STAU2: variants seen among roughly 807,000 people sequenced by gnomAD.
The protein encoded by STAU2 is double-stranded RNA-binding protein Staufen homolog 2.
A neutral mutation model predicts 65.9 loss-of-function variants in STAU2; 20 were observed. The observed-to-expected ratio is 0.30, with a 90% CI of 0.21 to 0.44. The LOEUF (loss-of-function observed/expected upper bound fraction) is 0.44, where lower values mean the gene tolerates loss of function less well. Ranked by LOEUF, STAU2 falls within the 20% of genes least tolerant of loss-of-function variation. The probability of loss-of-function intolerance (pLI) is 1.00; values close to 1 mark genes in which losing one functional copy is unlikely to be tolerated. For synonymous variants in STAU2, 232 were observed against 233.9 expected (o/e 0.99, Z 0.07); for missense variants, 558 against 683.9 (o/e 0.82, Z 2.05).
At chr8:73,625,220 C>T (rs960871128) in intron 6 of STAU2, among the ~76,000 whole-genome samples, 43 of 152,184 alleles carry the variant, frequency 2.8e-4, no homozygotes, top group Admixed American at 7.2e-4. Context: ...TAAATATATA[C>T]CCAAGAGAAA....
chr8:73,696,503 G>A (rs946742115), intron 4 of STAU2, among the ~76,000 whole-genome samples: 4 of 152,178 alleles, frequency 2.6e-5, no homozygotes, highest in African/African-American at 9.6e-5. Flanking sequence ...CACAGAAAGG[G>A]AATTTGGAAT....
intron 3 of STAU2, among the ~76,000 whole-genome samples, chr8:73,712,492 A>G (rs1300938941): frequency 1.3e-5 from 2 of 152,228 alleles, no homozygotes; most frequent in African/African-American, 2.4e-5. Context: ...CACTGTTAAC[A>G]ATGATTAAAA....
chr8:73,600,349 C>CT (rs1811545357), intron 10 of STAU2, among the ~76,000 whole-genome samples: 1 of 152,002 alleles, frequency 6.6e-6, no homozygotes, highest in African/African-American at 2.4e-5. Context: ...ATTTCATTGC[C>CT]TTTTTTTCTG....
At chr8:73,662,139 C>G (rs1563490330) in intron 6 of STAU2, among the ~76,000 whole-genome samples, 2 of 152,104 alleles carry the variant, frequency 1.3e-5, no homozygotes, top group Non-Finnish European at 2.9e-5. Context: ...TTGCATTTCC[C>G]TGATGACTAA....
At chr8:73,528,137 T>G (rs1340443361) in intron 13 of STAU2, among the ~76,000 whole-genome samples, 2 of 152,148 alleles carry the variant, frequency 1.3e-5, no homozygotes, top group African/African-American at 4.8e-5. Context: ...TAAGTCAAAG[T>G]TCATCTGATT....
intron 13 of STAU2, among the ~76,000 whole-genome samples, chr8:73,473,542 T>C (rs533692584): frequency 6.6e-6 from 1 of 152,282 alleles, no homozygotes; most frequent in South Asian, 2.1e-4. Context: ...ACCTCAGATA[T>C]ATGGATATGC....
intron 5 of STAU2, among the ~76,000 whole-genome samples, chr8:73,680,348 T>C (rs750545656): frequency 2.6e-5 from 4 of 152,048 alleles, no homozygotes; most frequent in Non-Finnish European, 4.4e-5. Flanking sequence ...CTCCACTGGG[T>C]AGCTAGACCC....
chr8:73,635,905 G>GA (rs1459770521), intron 6 of STAU2, among the ~76,000 whole-genome samples: 2 of 111,432 alleles, frequency 1.8e-5, no homozygotes, highest in African/African-American at 8.0e-5. Flanking sequence ...TCTGACCCCT[G>GA]AACCACACAC....
intron 6 of STAU2, among the ~76,000 whole-genome samples, chr8:73,630,754 C>T (rs117789819): frequency 0.016 from 2,426 of 152,274 alleles, 27 homozygotes; most frequent in Non-Finnish European, 0.024. Flanking sequence ...ATGCAAGATA[C>T]ATGCTGTGTC....
intron 13 of STAU2, among the ~76,000 whole-genome samples, chr8:73,506,584 G>A (rs1822079255): frequency 6.6e-6 from 1 of 152,168 alleles, no homozygotes; most frequent in Non-Finnish European, 1.5e-5. Context: ...GTAATTGCTG[G>A]TGGAGGGTCT....
intron 13 of STAU2, among the ~76,000 whole-genome samples, chr8:73,510,097 C>T (rs534534643): frequency 6.6e-6 from 1 of 151,884 alleles, no homozygotes; most frequent in South Asian, 2.1e-4. Context: ...GACTGAGTTT[C>T]GCTCTTGTTG....
intron 6 of STAU2, among the ~76,000 whole-genome samples, chr8:73,629,476 C>G (rs1485917158): frequency 1.3e-5 from 2 of 152,168 alleles, no homozygotes; most frequent in East Asian, 3.8e-4. Context: ...TTCATAGTCT[C>G]ACAATCATTA....
chr8:73,515,243 C>T (rs977068018), intron 13 of STAU2, among the ~76,000 whole-genome samples: 1 of 152,160 alleles, frequency 6.6e-6, no homozygotes, highest in Non-Finnish European at 1.5e-5. Flanking sequence ...AGGTCCTGGA[C>T]ATGAGGCCAT....
At chr8:73,704,697 T>A (rs941227292) in intron 4 of STAU2, among the ~76,000 whole-genome samples, 6 of 152,052 alleles carry the variant, frequency 3.9e-5, no homozygotes, top group African/African-American at 1.4e-4. Flanking sequence ...TGAGATGGAG[T>A]CTCCCTCTGT....
intron 7 of STAU2, 97 bp downstream of exon 7, chr8:73,617,195 C>T: frequency 7.1e-7 from 1 of 1,411,488 alleles, no homozygotes; most frequent in South Asian, 1.5e-5. Context: ...GTATTCTTCC[C>T]TATCAGAACA....
At chr8:73,717,694 C>T (rs1047103442) in intron 3 of STAU2, among the ~76,000 whole-genome samples, 8 of 152,132 alleles carry the variant, frequency 5.3e-5, no homozygotes, top group African/African-American at 1.4e-4. Context: ...GTCGCCCAGG[C>T]TGGAGTGCAG....
chr8:73,624,715 C>T (rs1025610587), intron 6 of STAU2, among the ~76,000 whole-genome samples: 2 of 152,162 alleles, frequency 1.3e-5, no homozygotes, highest in Admixed American at 1.3e-4. Flanking sequence ...GATAGATGAA[C>T]ACTATAAACT....
chr8:73,430,244 T>C (rs1460780599), intron 13 of STAU2, among the ~76,000 whole-genome samples: 3 of 152,200 alleles, frequency 2.0e-5, no homozygotes, highest in Non-Finnish European at 4.4e-5. Context: ...GAAGAGGCAC[T>C]GGGATTGCAA....
intron 6 of STAU2, among the ~76,000 whole-genome samples, chr8:73,620,045 T>C (rs566183768): frequency 1.3e-5 from 2 of 152,348 alleles, no homozygotes; most frequent in East Asian, 1.9e-4. Context: ...TATTGTGTAC[T>C]GAAGTGCACA....
Sources: gnomAD v4.1 joint callset for allele counts (sites outside exome capture counted in the v4.1 genomes callset) on GRCh38, gnomAD v4.1.1 for gene constraint, MANE v1.5 for transcripts, NCBI Gene and HGNC (gene_info 2026-07-23, HGNC 2026-07-21) for gene names.